SLIT3: variants seen among roughly 807,000 people sequenced by gnomAD.
SLIT3 encodes slit homolog 3 protein.
Under a neutral mutation model 184.0 loss-of-function variants are expected in SLIT3, and 68 were observed. The observed-to-expected ratio is 0.37, with a 90% CI of 0.30 to 0.45. The LOEUF (loss-of-function observed/expected upper bound fraction) is 0.45, where lower values mean the gene tolerates loss of function less well. Ranked by LOEUF, SLIT3 falls within the 20% of genes least tolerant of loss-of-function variation. The pLI, the probability that SLIT3 is intolerant of heterozygous loss-of-function variation, is 1.00. For missense variants in SLIT3, 1,707 were observed against 2,026.0 expected (o/e 0.84, Z 3.02); for synonymous variants, 831 against 828.6 (o/e 1.00, Z -0.05).
intron 4 of SLIT3, among the ~76,000 whole-genome samples, chr5:169,071,105 T>G (rs1219170054): frequency 2.0e-5 from 3 of 152,162 alleles, no homozygotes; most frequent in Non-Finnish European, 4.4e-5. Context: ...GTAACATAAT[T>G]AAGAGGCTAT....
intron 4 of SLIT3, among the ~76,000 whole-genome samples, chr5:169,034,092 G>A (rs756399765): frequency 2.0e-5 from 3 of 152,222 alleles, no homozygotes; most frequent in Non-Finnish European, 2.9e-5. Context: ...GATTACAGGC[G>A]TGAGCCACCA....
chr5:169,053,372 C>A (rs181928176), intron 4 of SLIT3, among the ~76,000 whole-genome samples: 2 of 152,318 alleles, frequency 1.3e-5, no homozygotes, highest in Admixed American at 1.3e-4. Flanking sequence ...TTGGAGGAAG[C>A]TAACGTTCCC....
At chr5:169,138,415 A>G (rs1247031622) in intron 4 of SLIT3, among the ~76,000 whole-genome samples, 1 of 152,088 alleles carries the variant, frequency 6.6e-6, no homozygotes, top group Admixed American at 6.6e-5. Flanking sequence ...GCAGCCACAT[A>G]TCTGCCTGGC....
chr5:168,996,853 G>C (rs1755525717), intron 4 of SLIT3, among the ~76,000 whole-genome samples: 1 of 152,204 alleles, frequency 6.6e-6, no homozygotes, highest in African/African-American at 2.4e-5. Context: ...TCTCAGGCCT[G>C]TCTCAGGAGG....
At chr5:169,058,296 T>C (rs1758073570) in intron 4 of SLIT3, among the ~76,000 whole-genome samples, 1 of 152,188 alleles carries the variant, frequency 6.6e-6, no homozygotes, top group Admixed American at 6.5e-5. Context: ...CACCGATTCT[T>C]TGTCCACCTG....
chr5:168,977,587 C>G (rs945735954), intron 4 of SLIT3, among the ~76,000 whole-genome samples: 1 of 152,078 alleles, frequency 6.6e-6, no homozygotes, highest in Admixed American at 6.5e-5. Context: ...CACAAAAGAC[C>G]GAGGGTAAGT....
intron 6 of SLIT3, among the ~76,000 whole-genome samples, chr5:168,841,029 G>A (rs1427307200): frequency 1.3e-5 from 2 of 152,202 alleles, no homozygotes; most frequent in Non-Finnish European, 2.9e-5. Flanking sequence ...GAAAGGCTCC[G>A]ACATTCTCCC....
chr5:168,909,768 C>A (rs1761194364), intron 4 of SLIT3, among the ~76,000 whole-genome samples: 1 of 152,190 alleles, frequency 6.6e-6, no homozygotes, highest in Admixed American at 6.5e-5. Flanking sequence ...CTCCTGGCAG[C>A]AAACCTGGGT....
intron 1 of SLIT3, among the ~76,000 whole-genome samples, chr5:169,281,025 T>G (rs1426886710): frequency 6.6e-6 from 1 of 151,976 alleles, no homozygotes; most frequent in Non-Finnish European, 1.5e-5. Context: ...AGTGTTGGGG[T>G]CACAATAGGG....
intron 18 of SLIT3, 82 bp from the exon 19 acceptor site, chr5:168,749,717 C>A: frequency 6.8e-7 from 1 of 1,480,422 alleles, no homozygotes; most frequent in Admixed American, 1.8e-5. Context: ...GCCCAGCTCT[C>A]CTAGCCAGGA....
intron 9 of SLIT3, among the ~76,000 whole-genome samples, chr5:168,799,780 AATT>A (rs1756700686): frequency 1.3e-5 from 2 of 152,138 alleles, no homozygotes; most frequent in Admixed American, 1.3e-4. Context: ...CACTGGCTCA[AATT>A]ATTTTTTTCA....
intron 32 of SLIT3, 57 bp from the exon 33 acceptor site, chr5:168,673,388 G>A (rs1761313827): frequency 4.5e-6 from 7 of 1,551,382 alleles, no homozygotes; most frequent in Middle Eastern, 1.7e-4. Flanking sequence ...TTCCATGGCT[G>A]GGCCCTGTGC....
chr5:169,154,155 G>A (rs1014210813), intron 4 of SLIT3, among the ~76,000 whole-genome samples: 2 of 151,984 alleles, frequency 1.3e-5, no homozygotes, highest in African/African-American at 4.8e-5. Flanking sequence ...TGTATTTTTA[G>A]TAGAGACGGG....
At chr5:168,919,535 ACT>A (rs1018748388) in intron 4 of SLIT3, among the ~76,000 whole-genome samples, 2 of 151,652 alleles carry the variant, frequency 1.3e-5, no homozygotes, top group African/African-American at 2.4e-5. Flanking sequence ...CTGCTGAGAA[ACT>A]CTCTGGAAAG....
At chr5:168,990,352 CTTTGTTTGAATGCTAAACG>C (rs1478504404) in intron 4 of SLIT3, among the ~76,000 whole-genome samples, 1 of 152,144 alleles carries the variant, frequency 6.6e-6, no homozygotes, top group Non-Finnish European at 1.5e-5. Context: ...TACAGAAAGC[CTTTGTTTGAATGCTAAACG>C]TTTGTTTGTT....
chr5:169,227,860 T>C (rs905700158), intron 3 of SLIT3, among the ~76,000 whole-genome samples: 3 of 152,240 alleles, frequency 2.0e-5, no homozygotes, highest in Admixed American at 6.5e-5. Flanking sequence ...GGAGCTGAGA[T>C]TCAGGCAGGG....
chr5:168,953,497 A>G (rs1016975773), intron 4 of SLIT3, among the ~76,000 whole-genome samples: 2 of 152,236 alleles, frequency 1.3e-5, no homozygotes, highest in African/African-American at 2.4e-5. Flanking sequence ...ATGTCTTTAT[A>G]CAACAGATCA....
Position 168,972,336 on chromosome 5 carries a change from C to CGTGTGTGTGTGTGTGTGTGT in SLIT3, c.414-89001_414-89000insACACACACACACACACACAC, listed in dbSNP as rs1353519749. Among the ~76,000 whole-genome samples the CGTGTGTGTGTGTGTGTGTGT allele has an allele frequency of 6.6e-3, 264 of 39,756 alleles. 2 individuals are homozygous for CGTGTGTGTGTGTGTGTGTGT. The highest frequency in any genetic ancestry group is 0.023 in the Middle Eastern group (2 of 88). 26.1% of individuals were successfully genotyped at this position (39,756 alleles called of 152,430 possible). Reference sequence around the variant, plus strand: ...TTGTTGATGGCTAGCTGCAGGACAACATGTGTGTGTGTGTGTGTGTGTGTG... The same window carrying CGTGTGTGTGTGTGTGTGTGT: ...TTGTTGATGGCTAGCTGCAGGACAACGTGTGTGTGTGTGTGTGTGTATGTGTGTGTGTGTGTGTGTGTGTG... On this transcript the variant is annotated intron_variant, in intron 4 of 35. Coordinates refer to ENST00000519560, the MANE Select transcript of SLIT3 (RefSeq NM_003062.4).
intron 4 of SLIT3, among the ~76,000 whole-genome samples, chr5:169,120,922 C>T (rs377358531): frequency 6.6e-6 from 1 of 152,186 alleles, no homozygotes; most frequent in African/African-American, 2.4e-5. Flanking sequence ...CAGACCCTTT[C>T]TTATAAGCCC....
Sources: gnomAD v4.1 joint callset for allele counts (sites outside exome capture counted in the v4.1 genomes callset) on GRCh38, gnomAD v4.1.1 for gene constraint, MANE v1.5 for transcripts, NCBI Gene and HGNC (gene_info 2026-07-23, HGNC 2026-07-21) for gene names.